The following SLC6A16 variants were observed in gnomAD, a reference collection of about 807,000 sequenced individuals.
The protein encoded by SLC6A16 is orphan sodium- and chloride-dependent neurotransmitter transporter NTT5.
SLC6A16 carries 54 observed loss-of-function variants against 65.4 expected under a neutral mutation model. That is an observed-to-expected ratio of 0.83 (90% CI 0.66 to 1.04). The LOEUF (loss-of-function observed/expected upper bound fraction) is 1.04, where lower values mean the gene tolerates loss of function less well. Among genes scored for constraint, SLC6A16 ranks in the 50% least tolerant of loss-of-function variants. The probability of loss-of-function intolerance (pLI) is 0.00; values close to 1 mark genes in which losing one functional copy is unlikely to be tolerated. For missense variants in SLC6A16, 816 were observed against 914.0 expected (o/e 0.89, Z 1.38); for synonymous variants, 330 against 346.5 (o/e 0.95, Z 0.53).
At position 49,292,088 on chromosome 19, in the gene SLC6A16, C is replaced by T. The variant is rs1970088618; in HGVS notation, c.1778+1135G>A. Among the ~76,000 whole-genome samples, 1 of 152,160 alleles carries T rather than the reference C, an allele frequency of 6.6e-6. No homozygotes were observed. The highest frequency in any genetic ancestry group is 1.5e-5 in the Non-Finnish European group (1 of 68,016). On this transcript the variant is annotated intron_variant, in intron 10 of 11. Coordinates refer to ENST00000335875, the MANE Select transcript of SLC6A16 (RefSeq NM_014037.3). The surrounding 1 kb of genome is among the most constrained non-coding windows in gnomAD (Gnocchi z 4.3). ...CTCACTTGAAATATTACATAGCTTT[C>T]ACCAGGCGGGGTGGCTCACGCATGT...
At chr19:49,300,755 A>G (rs1970273763) in intron 7 of SLC6A16, among the ~76,000 whole-genome samples, 1 of 152,146 alleles carries the variant, frequency 6.6e-6, no homozygotes, top group African/African-American at 2.4e-5. Context: ...CTATCCTTGA[A>G]CAACAATTAC....
chr19:49,321,022 T>C (rs1012190940), intron 1 of SLC6A16, among the ~76,000 whole-genome samples: 2 of 152,110 alleles, frequency 1.3e-5, no homozygotes, highest in African/African-American at 2.4e-5. Context: ...AAGGCCAACA[T>C]TGCCCTAATA....
At chr19:49,335,794 G>A in the SLC6A16 span, 1 of 1,609,082 alleles carries the variant, frequency 6.2e-7, no homozygotes, top group Non-Finnish European at 8.5e-7. The surrounding 1 kb of genome is among the most constrained non-coding windows in gnomAD (Gnocchi z 4.6). Context: ...TGGGTGAGGG[G>A]GGCTGGGGCA....
the SLC6A16 span, chr19:49,339,382 T>G: frequency 6.2e-7 from 1 of 1,614,014 alleles, no homozygotes; most frequent in Non-Finnish European, 8.5e-7. The surrounding 1 kb of genome is among the most constrained non-coding windows in gnomAD (Gnocchi z 4.5). Context: ...ATTTCCATAG[T>G]GGGCATTTGC....
chr19:49,314,872 A>G (rs1282451015), intron 1 of SLC6A16, among the ~76,000 whole-genome samples: 2 of 152,202 alleles, frequency 1.3e-5, no homozygotes, highest in East Asian at 1.9e-4. Flanking sequence ...ACAAGGAAAG[A>G]TGGAAGTGTT....
chr19:49,339,286 G>C, the SLC6A16 span: 9 of 1,543,862 alleles, frequency 5.8e-6, no homozygotes, highest in Non-Finnish European at 8.0e-6. The surrounding 1 kb of genome is among the most constrained non-coding windows in gnomAD (Gnocchi z 4.5). Flanking sequence ...CTGGGCTTGA[G>C]AGTCCCAGAA....
At position 49,311,123 on chromosome 19, in the gene SLC6A16, T is replaced by A; in HGVS notation, c.225A>T (p.Leu75Phe). The stretch of plus-strand genomic sequence containing the variant: ...GTTTCTGGTTCAGGGCTGAGGCAGT[T>A]AACGCCTCCAATACAGAAATTTGCT... ...QPKQISVLEALTASALNQKPT... is the reference protein window; with the variant it reads ...QPKQISVLEAFTASALNQKPT... Residue 75 changes from leucine (L) to phenylalanine (F), a missense_variant, in exon 2 of 12, where the codon TTA becomes TTT. Physicochemically the swap from Leu to Phe is conservative, Grantham distance 22. Coordinates refer to ENST00000335875, the MANE Select transcript of SLC6A16 (RefSeq NM_014037.3). The A allele has an allele frequency of 6.2e-7, 1 of 1,614,192 alleles. No individual in the cohort carries two copies. Among genetic ancestry groups the A allele is most frequent in the Non-Finnish European group, 8.5e-7 (1 of 1,180,030 alleles).
At position 49,311,024 on chromosome 19, in the gene SLC6A16, G is replaced by T. The variant is rs35860981; in HGVS notation, c.324C>A (p.Ser108Arg). ...CCTGAGCCAGAATATACTCAGTTTT[G>T]CTGGACCAGAACGGACGGGCAAGGA... ...EVLLARPFWS[S>R]KTEYILAQVG... is the part of the protein sequence containing the mutation. Residue 108 changes from serine to arginine, a missense_variant, in exon 2 of 12, where the codon AGC becomes AGA. By Grantham distance (110) the Ser-to-Arg change is moderately radical. Transcript: ENST00000335875. 2.8e-3 allele frequency: 4,486 copies of T among 1,614,170 alleles called. 112 individuals are homozygous for T. In the African/African-American group the frequency reaches 0.052, roughly 19 times the overall value.
chr19:49,340,153 T>TAAA, the SLC6A16 span: 1 of 1,510,138 alleles, frequency 6.6e-7, no homozygotes, highest in Non-Finnish European at 9.1e-7. Flanking sequence ...CCCGCCCAAT[T>TAAA]CACGGCCCCA....
At chr19:49,337,528 G>A in the SLC6A16 span, 2 of 833,578 alleles carry the variant, frequency 2.4e-6, no homozygotes, top group East Asian at 7.1e-5. Flanking sequence ...AGGTCGAGGT[G>A]GGAGGATCAC....
chr19:49,294,274 G>T, intron 8 of SLC6A16, 93 bp downstream of exon 8: 1 of 1,260,008 alleles, frequency 7.9e-7, no homozygotes, highest in Non-Finnish European at 1.1e-6. Flanking sequence ...TGGTGCTTCC[G>T]GGATTTTTGC....
At chr19:49,291,353 T>C (rs1292216075) in intron 10 of SLC6A16, among the ~76,000 whole-genome samples, 1 of 151,970 alleles carries the variant, frequency 6.6e-6, no homozygotes, top group Non-Finnish European at 1.5e-5. Context: ...CCCCCGGAGT[T>C]TCCCTGGCTA....
chr19:49,291,802 C>T (rs188721514), intron 10 of SLC6A16, among the ~76,000 whole-genome samples: 37 of 152,072 alleles, frequency 2.4e-4, no homozygotes, highest in African/African-American at 5.1e-4. Flanking sequence ...CCTATCTCCA[C>T]CTATTCATCT....
At chr19:49,327,979 T>A (rs1422485061), upstream of SLC6A16, among the ~76,000 whole-genome samples, 4 of 152,212 alleles carry the variant, frequency 2.6e-5, no homozygotes, top group African/African-American at 9.6e-5. Context: ...GAGGCCCTTA[T>A]AGGTCATGGT....
At chr19:49,305,484 C>G (rs769825401) in intron 7 of SLC6A16, among the ~76,000 whole-genome samples, 2 of 150,376 alleles carry the variant, frequency 1.3e-5, no homozygotes, top group East Asian at 3.9e-4. Flanking sequence ...CCCAGCTACT[C>G]GGGAAGGTGA....
chr19:49,311,355 A>G lies in SLC6A16; in HGVS notation c.-8T>C. Reference sequence around the variant, plus strand: ...CTGGGCCTCTGTCTTCATCTCACACAGACTCTCTGGGGCAGCTCCCGCTTC... The same window carrying G: ...CTGGGCCTCTGTCTTCATCTCACACGGACTCTCTGGGGCAGCTCCCGCTTC... On this transcript the variant is annotated 5_prime_UTR_variant, in exon 2 of 12. Coordinates refer to ENST00000335875, the MANE Select transcript of SLC6A16 (RefSeq NM_014037.3). 1 of 1,563,236 alleles carries G rather than the reference A, an allele frequency of 6.4e-7. No individual in the cohort carries two copies. Among genetic ancestry groups the G allele is most frequent in the Non-Finnish European group, 8.7e-7 (1 of 1,154,882 alleles).
upstream of SLC6A16, chr19:49,325,232 GC>G: frequency 1.0e-6 from 1 of 985,006 alleles, no homozygotes; most frequent in Non-Finnish European, 1.2e-6. Flanking sequence ...CTGCGCATGC[GC>G]CGCCGCGCCC....
chr19:49,338,234 G>T, the SLC6A16 span: 2 of 1,419,624 alleles, frequency 1.4e-6, no homozygotes, highest in Non-Finnish European at 1.8e-6. The surrounding 1 kb of genome is among the most constrained non-coding windows in gnomAD (Gnocchi z 5.0). Flanking sequence ...CCCTGGCGTG[G>T]CTTCGCCATC....
At position 49,310,115 on chromosome 19, in the gene SLC6A16, A is replaced by C. The variant is rs573107444; in HGVS notation, c.625T>G (p.Phe209Val). Residue 209 changes from phenylalanine to valine, a missense_variant, in exon 4 of 12, where the codon TTC becomes GTC. Coordinates refer to ENST00000335875, the MANE Select transcript of SLC6A16 (RefSeq NM_014037.3). ...YFNVVNSWII[F>V]YMSQSFQFPV... is the part of the protein sequence containing the mutation. ...AACTGGAAGGACTGGCTCATGTAGA[A>C]GATGATCCAGGAATTGACCACATTG... The C allele has an allele frequency of 3.1e-6, 5 of 1,614,124 alleles. No individual in the cohort carries two copies. Among genetic ancestry groups the C allele is most frequent in the African/African-American group, 2.7e-5 (2 of 75,014 alleles).
Sources: allele counts gnomAD v4.1 joint callset (sites outside exome capture counted in the v4.1 genomes callset), GRCh38; gene constraint gnomAD v4.1.1; non-coding constraint Gnocchi (gnomAD v3.1); transcripts MANE v1.5; gene names NCBI Gene and HGNC (gene_info 2026-07-23, HGNC 2026-07-21).